The following PCDHA10 variants were observed in gnomAD, a reference collection of about 807,000 sequenced individuals.
PCDHA10 encodes the protein protocadherin alpha-10.
Under a neutral mutation model 61.2 loss-of-function variants are expected in PCDHA10, and 45 were observed. That is an observed-to-expected ratio of 0.74 (90% CI 0.58 to 0.94). The LOEUF is 0.94. Among genes scored for constraint, PCDHA10 ranks in the 40% least tolerant of loss-of-function variants. The pLI is 0.00. For synonymous variants in PCDHA10, 602 were observed against 548.8 expected (o/e 1.10, Z -1.35); for missense variants, 1,278 against 1,236.2 (o/e 1.03, Z -0.51).
chr5:140,857,783 C>T lies in PCDHA10; in HGVS notation c.1735C>T (p.Leu579=), dbSNP rs782463412. 1.5e-5 allele frequency: 24 copies of T among 1,597,710 alleles called. No individual in the cohort carries two copies. The East Asian group carries it at 4.7e-4, about 31-fold the overall frequency. The part of the protein sequence containing the change: ...AGSAGGAVSE[L]VLRSVVAGHV... ...CAGCGCGGGCGGTGCAGTCAGTGAG[C>T]TGGTGCTGCGGTCGGTGGTTGCGGG... is the stretch of plus-strand genomic sequence containing the variant. Residue 579 remains leucine (L), a synonymous_variant, in exon 1 of 4, where the codon CTG becomes TTG. Transcript: ENST00000307360.
rs1350835757 is a variant in PCDHA10, at chr5:141,010,856, A to G, written c.*919A>G. Reference sequence around the variant, plus strand: ...CATAGATTTATTTAAAAAAAGAGAAAGTCTATAGCTATAAATCTTTAAAGA... The same window carrying G: ...CATAGATTTATTTAAAAAAAGAGAAGGTCTATAGCTATAAATCTTTAAAGA... On this transcript the variant is annotated 3_prime_UTR_variant, in exon 4 of 4. Coordinates refer to ENST00000307360, the MANE Select transcript of PCDHA10 (RefSeq NM_018901.4). The G allele has an allele frequency of 1.3e-5, 2 of 153,800 alleles. No homozygotes were observed. Among genetic ancestry groups the G allele is most frequent in the African/African-American group, 2.4e-5 (1 of 41,464 alleles). The allele number at this position is 153,800 out of a possible 1,614,324, so 9.5% of individuals were successfully genotyped here. A position where few individuals can be genotyped will look rare whatever the true frequency, so the allele number is the denominator to read the frequency against.
chr5:141,005,475 G>A (rs1011400158), intron 3 of PCDHA10, among the ~76,000 whole-genome samples: 8 of 151,670 alleles, frequency 5.3e-5, no homozygotes, highest in African/African-American at 1.9e-4. Flanking sequence ...AGGCCGAGAC[G>A]GGCGGATCAT....
chr5:140,992,405 C>T (rs962261885), intron 3 of PCDHA10, among the ~76,000 whole-genome samples: 1 of 152,152 alleles, frequency 6.6e-6, no homozygotes, highest in Non-Finnish European at 1.5e-5. Context: ...AGATATTGTT[C>T]TGCCCCAGGT....
At chr5:141,007,970 T>C (rs986378123) in intron 3 of PCDHA10, among the ~76,000 whole-genome samples, 3 of 152,248 alleles carry the variant, frequency 2.0e-5, no homozygotes, top group Admixed American at 6.5e-5. Flanking sequence ...TCTGGGTGTC[T>C]GTCATGTATA....
intron 1 of PCDHA10, chr5:140,966,557 G>T: frequency 2.1e-6 from 1 of 477,538 alleles, no homozygotes; most frequent in Non-Finnish European, 3.5e-6. Context: ...GAGCGGAGGA[G>T]CTGGAATATG....
At chr5:140,956,717 A>C (rs2153710827) in intron 1 of PCDHA10, among the ~76,000 whole-genome samples, 1 of 152,308 alleles carries the variant, frequency 6.6e-6, no homozygotes. Flanking sequence ...CTTCAGAAGA[A>C]TTGGTACCAG....
intron 1 of PCDHA10, chr5:140,967,191 A>G (rs781981464): frequency 6.2e-7 from 1 of 1,613,532 alleles, no homozygotes; most frequent in Non-Finnish European, 8.5e-7. Flanking sequence ...TTGGACATCA[A>G]CGACAACTCA....
intron 1 of PCDHA10, among the ~76,000 whole-genome samples, chr5:140,879,169 T>C (rs2057884518): frequency 6.6e-6 from 1 of 152,156 alleles, no homozygotes; most frequent in Non-Finnish European, 1.5e-5. Flanking sequence ...TTTTAATAAA[T>C]TAGGTATCAA....
intron 1 of PCDHA10, chr5:140,875,770 G>A: frequency 1.2e-6 from 2 of 1,614,230 alleles, no homozygotes; most frequent in East Asian, 2.2e-5. Flanking sequence ...CGGGCGGAGC[G>A]CGGAGTGCAG....
chr5:140,953,002 T>C (rs1019745922), intron 1 of PCDHA10, among the ~76,000 whole-genome samples: 5 of 152,142 alleles, frequency 3.3e-5, no homozygotes, highest in African/African-American at 1.2e-4. Flanking sequence ...ACTCTCTCAC[T>C]ATTATGAGAA....
At chr5:140,904,280 G>A in intron 1 of PCDHA10, among the ~76,000 whole-genome samples, 1 of 151,848 alleles carries the variant, frequency 6.6e-6, no homozygotes, top group Non-Finnish European at 1.5e-5. Flanking sequence ...GAGAACATGT[G>A]GTGTTTGGTT....
At chr5:140,882,325 G>A (rs2059066855) in intron 1 of PCDHA10, 1 of 1,614,182 alleles carries the variant, frequency 6.2e-7, no homozygotes, top group Non-Finnish European at 8.5e-7. Context: ...TCTGGCTTCT[G>A]ATCCTCGCAG....
intron 3 of PCDHA10, among the ~76,000 whole-genome samples, chr5:140,999,367 C>T (rs1229497053): frequency 4.6e-5 from 7 of 152,100 alleles, no homozygotes; most frequent in African/African-American, 1.7e-4. Flanking sequence ...TTCACAATCC[C>T]ATTAGATGGT....
At chr5:140,864,698 T>A (rs2048569561) in intron 1 of PCDHA10, 1 of 152,250 alleles carries the variant, frequency 6.6e-6, no homozygotes, top group African/African-American at 2.4e-5. Flanking sequence ...CCAGTTTAAG[T>A]TGTTGAGCTC....
intron 1 of PCDHA10, among the ~76,000 whole-genome samples, chr5:140,925,210 C>T (rs1319343041): frequency 2.0e-5 from 3 of 152,122 alleles, no homozygotes; most frequent in African/African-American, 7.2e-5. Context: ...ATTATCGATA[C>T]TTTTAGGCAG....
intron 1 of PCDHA10, among the ~76,000 whole-genome samples, chr5:140,939,059 T>C (rs2092309221): frequency 6.6e-6 from 1 of 152,234 alleles, no homozygotes; most frequent in Non-Finnish European, 1.5e-5. Flanking sequence ...TTTGGGCTGC[T>C]ATATCAAAAT....
chr5:140,897,446 T>G (rs2066114237), intron 1 of PCDHA10, among the ~76,000 whole-genome samples: 1 of 151,576 alleles, frequency 6.6e-6, no homozygotes, highest in South Asian at 2.1e-4. Context: ...GTGTTTGGTT[T>G]TTTGTCCTTG....
At chr5:140,955,155 C>T (rs1241099289) in intron 1 of PCDHA10, among the ~76,000 whole-genome samples, 1 of 152,088 alleles carries the variant, frequency 6.6e-6, no homozygotes, top group Non-Finnish European at 1.5e-5. Context: ...GTACCAGTAC[C>T]GTGCTGTTTT....
At chr5:140,901,515 T>C (rs1323018473) in intron 1 of PCDHA10, among the ~76,000 whole-genome samples, 1 of 152,178 alleles carries the variant, frequency 6.6e-6, no homozygotes, top group Non-Finnish European at 1.5e-5. Context: ...ATTATAGATA[T>C]GTGGATTTGT....
Sources: gnomAD v4.1 joint callset for allele counts (sites outside exome capture counted in the v4.1 genomes callset) on GRCh38, gnomAD v4.1.1 for gene constraint, MANE v1.5 for transcripts, NCBI Gene and HGNC (gene_info 2026-07-23, HGNC 2026-07-21) for gene names.